TBC1D19: variants seen among roughly 807,000 people sequenced by gnomAD.
The protein encoded by TBC1D19 is TBC1 domain family, member 19.
TBC1D19 carries 60 observed loss-of-function variants against 89.0 expected under a neutral mutation model. The ratio of observed to expected loss-of-function variants is 0.67; its 90% CI spans 0.55 to 0.84. The LOEUF is 0.84. TBC1D19 is among the 40% of genes least tolerant of loss of function. The pLI is 0.00. For missense variants in TBC1D19, 500 were observed against 610.8 expected, an observed-to-expected ratio of 0.82 and a Z score of 1.91; for synonymous variants, 189 against 199.7, an observed-to-expected ratio of 0.95 and a Z score of 0.45.
intron 7 of TBC1D19, among the ~76,000 whole-genome samples, chr4:26,655,162 C>G (rs1412216966): frequency 6.6e-6 from 1 of 152,202 alleles, no homozygotes; most frequent in East Asian, 1.9e-4. Context: ...GCCTGGGTGT[C>G]AGCAGCGGCA....
At chr4:26,696,002 A>G (rs1039153721) in intron 13 of TBC1D19, among the ~76,000 whole-genome samples, 1 of 152,256 alleles carries the variant, frequency 6.6e-6, no homozygotes, top group Non-Finnish European at 1.5e-5. Context: ...AAATTCACAC[A>G]TAACAATATT....
chr4:26,684,709 G>C (rs1362648175), intron 12 of TBC1D19, among the ~76,000 whole-genome samples: 1 of 152,094 alleles, frequency 6.6e-6, no homozygotes, highest in Non-Finnish European at 1.5e-5. Context: ...AGAGAGAAAG[G>C]CATATTATTA....
chr4:26,596,186 G>A (rs1277260345), intron 1 of TBC1D19, among the ~76,000 whole-genome samples: 2 of 151,972 alleles, frequency 1.3e-5, no homozygotes, highest in Admixed American at 1.3e-4. Flanking sequence ...CAAACTCCTG[G>A]CCTCATATGA....
intron 11 of TBC1D19, among the ~76,000 whole-genome samples, chr4:26,681,778 A>ATG (rs1713367273): frequency 6.6e-6 from 1 of 151,994 alleles, no homozygotes; most frequent in African/African-American, 2.4e-5. Flanking sequence ...AATGAGTTAA[A>ATG]TGTGTATTGT....
Position 26,740,745 on chromosome 4 carries a change from A to G in TBC1D19, c.1227+772A>G, listed in dbSNP as rs934688538. 4.9e-5 allele frequency: 48 copies of G among 985,322 alleles called. No homozygotes were observed. In the African/African-American group the frequency reaches 7.2e-4, roughly 15 times the overall value. 61.0% of individuals were successfully genotyped at this position (985,322 alleles called of 1,614,324 possible). A position where few individuals can be genotyped will look rare whatever the true frequency, so the allele number is the denominator to read the frequency against. On this transcript the variant is annotated intron_variant, in intron 17 of 20. Coordinates refer to ENST00000264866, the MANE Select transcript of TBC1D19 (RefSeq NM_018317.4). ...GACTGCTACTCCAGGTGAAACATTC[A>G]ATTGGAATATATGTCAGGGCTACTA...
intron 13 of TBC1D19, among the ~76,000 whole-genome samples, chr4:26,688,742 T>C (rs1714030427): frequency 6.6e-6 from 1 of 152,106 alleles, no homozygotes; most frequent in Non-Finnish European, 1.5e-5. Flanking sequence ...AGAAAGCATT[T>C]TGCATTATAC....
chr4:26,596,275 A>G (rs1740204486), intron 1 of TBC1D19, among the ~76,000 whole-genome samples: 1 of 152,106 alleles, frequency 6.6e-6, no homozygotes, highest in Admixed American at 6.6e-5. Context: ...TTGCATTTTG[A>G]TAGATATAGA....
At chr4:26,840,924 G>A in the TBC1D19 span, among the ~76,000 whole-genome samples, 1 of 151,962 alleles carries the variant, frequency 6.6e-6, no homozygotes, top group Admixed American at 6.6e-5. Flanking sequence ...AACCTTCCCC[G>A]ACCCAGGTCC....
upstream of TBC1D19, among the ~76,000 whole-genome samples, chr4:26,581,136 C>T (rs1056410729): frequency 1.3e-5 from 2 of 152,188 alleles, no homozygotes; most frequent in Admixed American, 1.3e-4. Context: ...CTGTTAGTCA[C>T]TCTGAAATGT....
At chr4:26,787,108 T>G in the TBC1D19 span, among the ~76,000 whole-genome samples, 1 of 151,034 alleles carries the variant, frequency 6.6e-6, no homozygotes, top group Admixed American at 6.6e-5. Flanking sequence ...CTAGTTTTTT[T>G]TTTTTTTTTT....
At chr4:26,583,132 T>C (rs1577740055), upstream of TBC1D19, among the ~76,000 whole-genome samples, 2 of 152,220 alleles carry the variant, frequency 1.3e-5, no homozygotes, top group African/African-American at 2.4e-5. Context: ...AAAATATGCA[T>C]ATACACATTT....
intron 1 of TBC1D19, among the ~76,000 whole-genome samples, chr4:26,601,787 T>G (rs2109983731): frequency 6.6e-6 from 1 of 152,310 alleles, no homozygotes; most frequent in East Asian, 1.9e-4. Flanking sequence ...CTCTTTTTGA[T>G]TCTTACATTC....
At chr4:26,798,770 C>G in the TBC1D19 span, among the ~76,000 whole-genome samples, 1 of 151,752 alleles carries the variant, frequency 6.6e-6, no homozygotes, top group Non-Finnish European at 1.5e-5. Context: ...TGAACTAACT[C>G]AGAAAAAGAA....
chr4:26,615,785 CAG>C, intron 3 of TBC1D19, among the ~76,000 whole-genome samples: 1 of 152,184 alleles, frequency 6.6e-6, no homozygotes, highest in East Asian at 1.9e-4. Flanking sequence ...AGTACTGTGA[CAG>C]TACCTTTGGC....
chr4:26,674,979 A>G (rs1352314610), intron 11 of TBC1D19, among the ~76,000 whole-genome samples: 3 of 152,128 alleles, frequency 2.0e-5, no homozygotes, highest in African/African-American at 7.2e-5. Flanking sequence ...AGTTCTGTCA[A>G]AAATCACTTG....
chr4:26,610,130 C>T (rs969442234), intron 1 of TBC1D19, among the ~76,000 whole-genome samples: 2 of 152,018 alleles, frequency 1.3e-5, no homozygotes, highest in Admixed American at 1.3e-4. Context: ...AAAGACTTGT[C>T]TTAGACTAAA....
upstream of TBC1D19, among the ~76,000 whole-genome samples, chr4:26,582,459 C>A (rs1284059034): frequency 1.3e-5 from 2 of 152,130 alleles, no homozygotes; most frequent in Non-Finnish European, 1.5e-5. Flanking sequence ...TCAGCTGAAG[C>A]ATCTTTATCT....
At chr4:26,853,682 T>G in the TBC1D19 span, among the ~76,000 whole-genome samples, 5 of 152,208 alleles carry the variant, frequency 3.3e-5, no homozygotes, top group Non-Finnish European at 7.4e-5. Flanking sequence ...GTATTACAGG[T>G]GTGCACCACC....
intron 7 of TBC1D19, among the ~76,000 whole-genome samples, chr4:26,649,711 C>CT (rs879521883): frequency 1.9e-3 from 272 of 145,346 alleles, no homozygotes; most frequent in South Asian, 2.4e-3. Context: ...AACGTTCTAA[C>CT]TTTTTTTTTT....
Sources: gnomAD v4.1 joint callset for allele counts (sites outside exome capture counted in the v4.1 genomes callset) on GRCh38, gnomAD v4.1.1 for gene constraint, MANE v1.5 for transcripts, NCBI Gene and HGNC (gene_info 2026-07-23, HGNC 2026-07-21) for gene names.